ZNF263: variants seen among roughly 807,000 people sequenced by gnomAD.
ZNF263 encodes zinc finger protein 263.
In ZNF263, 49 loss-of-function variants were observed where a neutral mutation model predicts 63.1. The observed-to-expected ratio is 0.78, with a 90% CI of 0.62 to 0.99. ZNF263 has a LOEUF of 0.99. Ranked by LOEUF, ZNF263 falls within the 50% of genes least tolerant of loss-of-function variation. ZNF263 has a pLI of 0.00. For missense variants in ZNF263, 872 were observed against 854.8 expected (o/e 1.02, Z -0.25); for synonymous variants, 352 against 324.2 (o/e 1.09, Z -0.92).
At chr16:3,289,356 A>G in intron 5 of ZNF263, 37 bp from the exon 6 acceptor site, 5 of 1,495,816 alleles carry the variant, frequency 3.3e-6, no homozygotes, top group Non-Finnish European at 4.5e-6. Context: ...TCCAGCATAG[A>G]AATAATGTAC....
downstream of ZNF263, among the ~76,000 whole-genome samples, chr16:3,295,428 T>C (rs976980197): frequency 2.0e-5 from 3 of 152,134 alleles, no homozygotes; most frequent in Non-Finnish European, 2.9e-5. Context: ...CGGTGTATGG[T>C]GGCTCCGGTG....
chr16:3,290,803 ACCCTGC>A lies in ZNF263; in HGVS notation c.*249_*254del. ...CAGGGTGGAATTCTCTGTTAAGTCC[ACCCTGC>A]CCCAGGGTGCTCCTACCCTCTTGGT... On this transcript the variant is annotated 3_prime_UTR_variant, in exon 6 of 6. Coordinates refer to ENST00000219069, the MANE Select transcript of ZNF263 (RefSeq NM_005741.5). 7.7e-7 allele frequency: 1 copy of A among 1,290,910 alleles called. No individual in the cohort carries two copies. Among genetic ancestry groups the A allele is most frequent in the Non-Finnish European group, 9.8e-7 (1 of 1,018,810 alleles). 80.0% of individuals were successfully genotyped at this position (1,290,910 alleles called of 1,614,324 possible). A position where few individuals can be genotyped will look rare whatever the true frequency, so the allele number is the denominator to read the frequency against.
At chr16:3,300,338 A>G (rs1362505542) in intron 2 of ZNF263, 4 of 1,614,106 alleles carry the variant, frequency 2.5e-6, no homozygotes, top group Middle Eastern at 1.6e-4. Context: ...ACACCGGCTG[A>G]GCGTTTCTGT....
At chr16:3,292,085 A>C (rs575472059), downstream of ZNF263, among the ~76,000 whole-genome samples, 10 of 152,246 alleles carry the variant, frequency 6.6e-5, no homozygotes, top group Non-Finnish European at 1.5e-4. Context: ...CAGAAATAGG[A>C]ATTCTAGTAG....
At chr16:3,293,307 T>C (rs1282749519), downstream of ZNF263, 1 of 152,258 alleles carries the variant, frequency 6.6e-6, no homozygotes, top group Admixed American at 6.5e-5. Context: ...GTGAAGAAGG[T>C]ACCTACTTCC....
At chr16:3,292,708 G>T (rs904553909), downstream of ZNF263, among the ~76,000 whole-genome samples, 1 of 152,160 alleles carries the variant, frequency 6.6e-6, no homozygotes, top group Non-Finnish European at 1.5e-5. Flanking sequence ...GCTCATACTT[G>T]GAACACTGCA....
downstream of ZNF263, among the ~76,000 whole-genome samples, chr16:3,293,843 T>G (rs1959676927): frequency 6.6e-6 from 1 of 152,268 alleles, no homozygotes; most frequent in Non-Finnish European, 1.5e-5. Context: ...AGAAGTCACT[T>G]TAAAAGTTTT....
At chr16:3,299,013 A>T in intron 1 of ZNF263, 1 of 1,356,080 alleles carries the variant, frequency 7.4e-7, no homozygotes, top group Non-Finnish European at 9.6e-7. Context: ...AGTCCTTAAT[A>T]TTATGAGGCC....
At chr16:3,289,084 T>C (rs544100755) in intron 5 of ZNF263, among the ~76,000 whole-genome samples, 20 of 152,294 alleles carry the variant, frequency 1.3e-4, no homozygotes, top group Non-Finnish European at 2.2e-4. Context: ...GAGGCCCTTA[T>C]TCTTGAGCTT....
intron 1 of ZNF263, among the ~76,000 whole-genome samples, chr16:3,296,755 C>A (rs532202484): frequency 6.6e-6 from 1 of 151,636 alleles, no homozygotes; most frequent in East Asian, 1.9e-4. Flanking sequence ...AAAAAAGGAA[C>A]CCACTTACAG....
At chr16:3,299,365 T>C in intron 2 of ZNF263, 3 of 1,571,118 alleles carry the variant, frequency 1.9e-6, no homozygotes, top group Non-Finnish European at 2.6e-6. Context: ...ATAATCCCCA[T>C]GTTCTAAGCC....
chr16:3,285,031 A>C, intron 1 of ZNF263, 28 bp from the exon 2 acceptor site: 1 of 1,612,720 alleles, frequency 6.2e-7, no homozygotes, highest in Non-Finnish European at 8.5e-7. Context: ...CCCTGTTGTG[A>C]TGATGAGTGA....
At chr16:3,297,242 C>T (rs1403247992) in intron 1 of ZNF263, among the ~76,000 whole-genome samples, 1 of 139,388 alleles carries the variant, frequency 7.2e-6, no homozygotes, top group Non-Finnish European at 1.5e-5. Flanking sequence ...TGCAGCGAGC[C>T]AAGATCGTGC....
chr16:3,289,524 C>G lies in ZNF263; in HGVS notation c.1018C>G (p.Arg340Gly), dbSNP rs759038312. The change falls in exon 6 of 6, where the codon CGG becomes GGG. Residue 340 changes from arginine (R) to glycine (G), a missense_variant. Coordinates refer to ENST00000219069, the MANE Select transcript of ZNF263 (RefSeq NM_005741.5). ...WSPELGRPHD[R>G]SQGDWAPPPE... ...TCCTGAGCTGGGAAGACCTCATGAC[C>G]GGTCGCAAGGGGATTGGGCGCCTCC... The G allele has an allele frequency of 3.0e-5, 47 of 1,592,674 alleles. No homozygotes were observed. The highest frequency in any genetic ancestry group is 3.6e-5 in the Non-Finnish European group (42 of 1,168,900).
exon 3 of ZNF263, chr16:3,301,018 C>G: frequency 5.6e-6 from 1 of 178,078 alleles, no homozygotes; most frequent in East Asian, 1.8e-4. Context: ...CAAGATGTGC[C>G]CACAAGACAG....
At chr16:3,286,254 C>T (rs973132506) in intron 4 of ZNF263, 105 bp downstream of exon 4, 7 of 1,459,350 alleles carry the variant, frequency 4.8e-6, no homozygotes, top group African/African-American at 4.3e-5. Context: ...TGCCAAGAAG[C>T]CTCCACAGGA....
Position 3,289,677 on chromosome 16 carries a change from T to G in ZNF263, c.1171T>G (p.Ser391Ala), listed in dbSNP as rs1898044312. 4 of 1,614,152 alleles carry G rather than the reference T, an allele frequency of 2.5e-6. No individual in the cohort carries two copies. The highest frequency in any genetic ancestry group is 1.7e-5 in the Admixed American group (1 of 60,012). ...PLCGKNFSNN[S>A]NLIRHQRIHA... Reference sequence around the variant, plus strand: ...GTGTGGCAAAAATTTCTCTAACAACTCAAACCTAATTAGGCACCAGAGAAT... The same window carrying G: ...GTGTGGCAAAAATTTCTCTAACAACGCAAACCTAATTAGGCACCAGAGAAT... The change falls in exon 6 of 6, where the codon TCA (serine) becomes GCA (alanine). Residue 391 changes from serine (S) to alanine (A), a missense_variant. Transcript: ENST00000219069.
rs1959296453 is a variant in ZNF263, at chr16:3,285,131, C to A, written c.460C>A (p.Pro154Thr). 3.1e-6 allele frequency: 5 copies of A among 1,614,162 alleles called. No homozygotes were observed. Among genetic ancestry groups the A allele is most frequent in the Non-Finnish European group, 3.4e-6 (4 of 1,180,038 alleles). The stretch of plus-strand genomic sequence containing the variant: ...GCCTCTGGAAACAGCACGAGAGTCA[C>A]CGAGCTTCAAGCTGGAGCCAATGGA... ...PLPLETARES[P>T]SFKLEPMETE... is the part of the protein sequence containing the mutation. Residue 154 changes from proline (P) to threonine (T), a missense_variant, in exon 2 of 6, where the codon CCG becomes ACG. Transcript: ENST00000219069.
Position 3,290,293 on chromosome 16 carries a change from C to T in ZNF263, c.1787C>T (p.Thr596Ile). Residue 596 changes from threonine to isoleucine, a missense_variant, in exon 6 of 6, where the codon ACA (threonine) becomes ATA (isoleucine). Coordinates refer to ENST00000219069, the MANE Select transcript of ZNF263 (RefSeq NM_005741.5). Reference sequence around the variant, plus strand: ...ATGCACCTCACCAGACATCAGAGAACACACACAGGAGAGAAACCGTATAAA... The same window carrying T: ...ATGCACCTCACCAGACATCAGAGAATACACACAGGAGAGAAACCGTATAAA... Reference protein sequence around the residue: ...QGMHLTRHQRTHTGEKPYKCT... With the variant: ...QGMHLTRHQRIHTGEKPYKCT... 5.6e-6 allele frequency: 9 copies of T among 1,614,046 alleles called. No individual in the cohort carries two copies. The highest frequency in any genetic ancestry group is 7.6e-6 in the Non-Finnish European group (9 of 1,180,018).
Sources: gnomAD v4.1 joint callset for allele counts (sites outside exome capture counted in the v4.1 genomes callset) on GRCh38, gnomAD v4.1.1 for gene constraint, MANE v1.5 for transcripts, NCBI Gene and HGNC (gene_info 2026-07-23, HGNC 2026-07-21) for gene names.